EBF3: variants seen among roughly 807,000 people sequenced by gnomAD.
EBF3 encodes transcription factor COE3.
EBF3 carries 18 observed loss-of-function variants against 77.1 expected under a neutral mutation model. The ratio of observed to expected loss-of-function variants is 0.23; its 90% CI spans 0.16 to 0.35. The LOEUF (loss-of-function observed/expected upper bound fraction) is 0.35. EBF3 is among the 10% of genes least tolerant of loss of function. The pLI is 1.00. For synonymous variants in EBF3, 350 were observed against 343.5 expected (o/e 1.02, Z -0.21); for missense variants, 558 against 860.0 (o/e 0.65, Z 4.39).
intron 6 of EBF3, among the ~76,000 whole-genome samples, chr10:129,942,068 C>A (rs982109886): frequency 6.6e-6 from 1 of 152,204 alleles, no homozygotes; most frequent in Admixed American, 6.5e-5. Flanking sequence ...GAAACACCTC[C>A]TATCCTCAGG....
At position 129,879,336 on chromosome 10, in the gene EBF3, C is replaced by T. The variant is rs7087979; in HGVS notation, c.555-1487G>A. ...GGTCATCAACACAAACCTTTCTCTACTTCCTCCCAAAATATCATCTGTCCT... is the reference window on the plus strand; with the variant it reads ...GGTCATCAACACAAACCTTTCTCTATTTCCTCCCAAAATATCATCTGTCCT... On this transcript the variant is annotated intron_variant, in intron 6 of 16. Transcript: ENST00000440978. This position sits in a 1 kb window ranked among gnomAD's most constrained non-coding sequence, Gnocchi z 4.7. 0.23 allele frequency among the ~76,000 whole-genome samples: 35,425 copies of T among 152,138 alleles called. 4,778 individuals are homozygous for T. Among genetic ancestry groups the T allele is most frequent in the African/African-American group, 0.37 (15,486 of 41,474 alleles).
chr10:129,909,745 C>T (rs1855387631), intron 6 of EBF3, among the ~76,000 whole-genome samples: 1 of 152,142 alleles, frequency 6.6e-6, no homozygotes, highest in Non-Finnish European at 1.5e-5. Flanking sequence ...CCCTCTGTGG[C>T]ACACCGTCAG....
In EBF3 at chr10:129,837,967, G is replaced by A. The variant is rs542382365; in HGVS notation, c.1873-7C>T. 1 of 1,614,054 alleles carries A rather than the reference G, an allele frequency of 6.2e-7. No individual in the cohort carries two copies. The highest frequency in any genetic ancestry group is 2.2e-5 in the East Asian group (1 of 44,870). On this transcript the variant is annotated splice_polypyrimidine_tract_variant and splice_region_variant and intron_variant, in intron 16 of 16. Transcript: ENST00000440978. ...ACTACCAGCCCAGACATAGCTGCAA[G>A]ACAGAAGGACAGAGCAGTTACTGCA...
chr10:129,924,471 T>C (rs974237237), intron 6 of EBF3, among the ~76,000 whole-genome samples: 3 of 143,746 alleles, frequency 2.1e-5, no homozygotes, highest in African/African-American at 7.9e-5. Flanking sequence ...AGAAAATAGG[T>C]ACTGGTGAGG....
At chr10:129,888,609 G>A (rs1011327570) in intron 6 of EBF3, among the ~76,000 whole-genome samples, 5 of 152,210 alleles carry the variant, frequency 3.3e-5, no homozygotes, top group South Asian at 4.1e-4. Flanking sequence ...TGCCCAGAGC[G>A]GGTCCCGGCC....
rs1442533937 is a variant in EBF3 at position 129,861,150 on chromosome 10, G to C, written c.1039+5991C>G. Among the ~76,000 whole-genome samples the C allele has an allele frequency of 6.6e-6, 1 of 152,154 alleles. No individual in the cohort carries two copies. Among genetic ancestry groups the C allele is most frequent in the Non-Finnish European group, 1.5e-5 (1 of 68,032 alleles). On this transcript the variant is annotated intron_variant, in intron 10 of 16. Transcript: ENST00000440978. The surrounding 1 kb of genome is among the most constrained non-coding windows in gnomAD (Gnocchi z 4.3). ...TGGCAGATTAACTGATCATGGTTTG[G>C]GTTGATGCTGTGCCGTAGCAGTGGG...
At chr10:129,941,849 A>G (rs971481461) in intron 6 of EBF3, among the ~76,000 whole-genome samples, 3 of 151,992 alleles carry the variant, frequency 2.0e-5, no homozygotes, top group Non-Finnish European at 1.5e-5. Context: ...CAAAACTGCC[A>G]AGGGCAGACA....
chr10:129,868,582 C>T (rs543867749), intron 8 of EBF3, among the ~76,000 whole-genome samples: 2 of 151,850 alleles, frequency 1.3e-5, no homozygotes, highest in African/African-American at 4.8e-5. Context: ...GCTGCTGCAC[C>T]GGCCGCAGAG....
At chr10:129,922,598 T>G (rs893996023) in intron 6 of EBF3, among the ~76,000 whole-genome samples, 3 of 152,202 alleles carry the variant, frequency 2.0e-5, no homozygotes, top group Admixed American at 2.0e-4. Flanking sequence ...CACACTCTGC[T>G]CTCTTCCCGG....
At chr10:129,862,570 C>T (rs573948084) in intron 10 of EBF3, among the ~76,000 whole-genome samples, 8 of 152,152 alleles carry the variant, frequency 5.3e-5, no homozygotes, top group Non-Finnish European at 7.3e-5. Context: ...TCCCCAGGGT[C>T]CCATGAATGA....
intron 6 of EBF3, among the ~76,000 whole-genome samples, chr10:129,934,319 C>T (rs1182965636): frequency 6.6e-6 from 1 of 152,154 alleles, no homozygotes; most frequent in Non-Finnish European, 1.5e-5. Context: ...ACCCCATCCA[C>T]ATTCACTGTG....
chr10:129,840,638 T>G (rs1175872335), intron 14 of EBF3, among the ~76,000 whole-genome samples, 196 bp from the exon 15 acceptor site: 1 of 152,222 alleles, frequency 6.6e-6, no homozygotes, highest in Non-Finnish European at 1.5e-5. Flanking sequence ...CAGCCCATTT[T>G]GTTCTGATTT....
rs1293848912 is a variant in EBF3, at chr10:129,842,824, G to A, written c.1194+313C>T. Among the ~76,000 whole-genome samples, 1 of 151,170 alleles carries A rather than the reference G, an allele frequency of 6.6e-6. No individual in the cohort carries two copies. Among genetic ancestry groups the A allele is most frequent in the Admixed American group, 6.6e-5 (1 of 15,192 alleles). On this transcript the variant is annotated intron_variant, in intron 12 of 16. Transcript: ENST00000440978. This position sits in a 1 kb window ranked among gnomAD's most constrained non-coding sequence, Gnocchi z 4.4. Reference sequence around the variant, plus strand: ...TGTTCTGTCCTGCATGCTGTGGGGCGCCCATCCAGCCCTCCCTGGTTCCCA... The same window carrying A: ...TGTTCTGTCCTGCATGCTGTGGGGCACCCATCCAGCCCTCCCTGGTTCCCA...
At chr10:129,889,802 C>CAAAAAAAAA (rs57252162) in intron 6 of EBF3, among the ~76,000 whole-genome samples, 1 of 114,918 alleles carries the variant, frequency 8.7e-6, no homozygotes, top group Non-Finnish European at 1.7e-5. Flanking sequence ...GTCACATCTG[C>CAAAAAAAAA]AAAAAAAAAA....
chr10:129,865,576 C>G (rs555536882), intron 10 of EBF3, among the ~76,000 whole-genome samples: 1 of 152,168 alleles, frequency 6.6e-6, no homozygotes, highest in Non-Finnish European at 1.5e-5. Context: ...ATCCTAACCA[C>G]ATGGAGAGTG....
At chr10:129,901,993 C>T (rs1354058703) in intron 6 of EBF3, among the ~76,000 whole-genome samples, 1 of 152,188 alleles carries the variant, frequency 6.6e-6, no homozygotes, top group African/African-American at 2.4e-5. Context: ...AACCTTTCCC[C>T]ATGATAAATA....
intron 6 of EBF3, among the ~76,000 whole-genome samples, chr10:129,925,591 C>CAAAAA (rs11368338): frequency 1.7e-5 from 2 of 114,576 alleles, no homozygotes; most frequent in Non-Finnish European, 1.8e-5. Flanking sequence ...GACTCCATCT[C>CAAAAA]AAAAAAAAAA....
At chr10:129,948,775 G>T (rs1401340772) in intron 6 of EBF3, among the ~76,000 whole-genome samples, 1 of 152,170 alleles carries the variant, frequency 6.6e-6, no homozygotes, top group Non-Finnish European at 1.5e-5. Flanking sequence ...AGGAAGACAA[G>T]GCCAGGTTAG....
rs1019795642 is a variant in EBF3 at position 129,935,593 on chromosome 10, G to A, written c.554+21665C>T. On this transcript the variant is annotated intron_variant, in intron 6 of 16. Coordinates refer to ENST00000440978, the MANE Select transcript of EBF3 (RefSeq NM_001375380.1). The surrounding 1 kb of genome is among the most constrained non-coding windows in gnomAD (Gnocchi z 4.2). ...TTAGATACATGCACCCCACAAGGCTGGCGGGCAGCAGGCGGTGCCTCCTGA... is the reference window on the plus strand; with the variant it reads ...TTAGATACATGCACCCCACAAGGCTAGCGGGCAGCAGGCGGTGCCTCCTGA... Among the ~76,000 whole-genome samples the A allele has an allele frequency of 6.6e-6, 1 of 152,222 alleles. No individual in the cohort carries two copies. The highest frequency in any genetic ancestry group is 1.5e-5 in the Non-Finnish European group (1 of 68,026).
Sources: allele counts gnomAD v4.1 joint callset (sites outside exome capture counted in the v4.1 genomes callset), GRCh38; gene constraint gnomAD v4.1.1; non-coding constraint Gnocchi (gnomAD v3.1); transcripts MANE v1.5; gene names NCBI Gene and HGNC (gene_info 2026-07-23, HGNC 2026-07-21).